NRXN3: variants seen among roughly 807,000 people sequenced by gnomAD.
NRXN3 encodes the protein neurexin 3, also known as neurexin III.
Under a neutral mutation model 137.6 loss-of-function variants are expected in NRXN3, and 32 were observed. The ratio of observed to expected loss-of-function variants is 0.23; its 90% confidence interval spans 0.18 to 0.31. The LOEUF (loss-of-function observed/expected upper bound fraction) is 0.31, where lower values mean the gene tolerates loss of function less well. NRXN3 is among the 10% of genes least tolerant of loss of function. NRXN3 has a pLI of 1.00. For missense variants in NRXN3, 1,574 were observed against 2,062.5 expected (o/e 0.76, Z 4.59); for synonymous variants, 798 against 784.5 (o/e 1.02, Z -0.29).
At chr14:79,363,504 G>A (rs772471564) in intron 15 of NRXN3, among the ~76,000 whole-genome samples, 2 of 151,666 alleles carry the variant, frequency 1.3e-5, no homozygotes, top group Non-Finnish European at 2.9e-5. Flanking sequence ...AGCCATGTAC[G>A]TAGGAACAGT....
intron 4 of NRXN3, among the ~76,000 whole-genome samples, chr14:78,540,627 A>G (rs2096581062): frequency 6.6e-6 from 1 of 152,122 alleles, no homozygotes; most frequent in East Asian, 1.9e-4. Context: ...ATTTAAGGGT[A>G]ATATTGTTAT....
At chr14:79,515,710 T>C (rs966106057) in intron 16 of NRXN3, among the ~76,000 whole-genome samples, 1 of 152,210 alleles carries the variant, frequency 6.6e-6, no homozygotes, top group Non-Finnish European at 1.5e-5. Context: ...ACCTCCATAA[T>C]TCTGTAGTGT....
Position 78,645,409 on chromosome 14 carries a change from C to G in NRXN3, c.1047C>G (p.Arg349=), listed in dbSNP as rs375875361. 4.5e-5 allele frequency: 72 copies of G among 1,584,808 alleles called. No individual in the cohort carries two copies. The highest frequency in any genetic ancestry group is 5.9e-5 in the Non-Finnish European group (69 of 1,170,640). Residue 349 remains arginine (R), a synonymous_variant, in exon 5 of 21, where the codon CGC becomes CGG. Coordinates refer to ENST00000335750, the MANE Select transcript of NRXN3 (RefSeq NM_001330195.2). ...CCTGGCATGATGTCAAAGTGACACG[C>G]AACCTCCGGCAGGTAATGGCTGAGG... ...DNAWHDVKVT[R]NLRQVTISVD...
At chr14:79,714,103 C>T (rs1035921833) in intron 19 of NRXN3, among the ~76,000 whole-genome samples, 1 of 152,144 alleles carries the variant, frequency 6.6e-6, no homozygotes, top group East Asian at 1.9e-4. Context: ...CCACATATTT[C>T]TTTCCCCTAA....
At chr14:79,130,308 G>A (rs944961332) in intron 15 of NRXN3, among the ~76,000 whole-genome samples, 69 of 151,918 alleles carry the variant, frequency 4.5e-4, no homozygotes, top group Admixed American at 8.5e-4. Flanking sequence ...ATTTTGCAGC[G>A]GCTGGTATCA....
At chr14:78,250,593 C>T (rs182093523) in intron 2 of NRXN3, among the ~76,000 whole-genome samples, 2 of 152,176 alleles carry the variant, frequency 1.3e-5, no homozygotes, top group East Asian at 1.9e-4. Flanking sequence ...AGGGCTCTGC[C>T]GGCAAACGTG....
At chr14:78,861,939 A>G (rs1346208848) in intron 10 of NRXN3, among the ~76,000 whole-genome samples, 1 of 152,136 alleles carries the variant, frequency 6.6e-6, no homozygotes. Context: ...TTTAGTTAGC[A>G]ATGTTTTTAT....
At chr14:79,767,669 C>T (rs968354270) in intron 19 of NRXN3, among the ~76,000 whole-genome samples, 1 of 151,998 alleles carries the variant, frequency 6.6e-6, no homozygotes, top group Non-Finnish European at 1.5e-5. Context: ...CATAACAGTC[C>T]CTATTAAATG....
At position 78,550,184 on chromosome 14, in the gene NRXN3, G is replaced by A. The variant is rs1600305938; in HGVS notation, c.758-94936G>A. ...TGAGTAGCTGGAACGACAGTCATGT[G>A]CCACCACGCCTGGCTAAATTTTGTA... On this transcript the variant is annotated intron_variant, in intron 4 of 20. Transcript: ENST00000335750. Among the ~76,000 whole-genome samples the A allele has an allele frequency of 2.6e-5, 4 of 152,106 alleles. No individual in the cohort carries two copies. In the South Asian group the frequency reaches 6.3e-4, roughly 24 times the overall value.
chr14:78,802,789 T>C (rs113630632), intron 8 of NRXN3, among the ~76,000 whole-genome samples: 5,963 of 151,932 alleles, frequency 0.039, 182 homozygotes, highest in East Asian at 0.077. Context: ...CTACAAAATA[T>C]CTAAAAATCA....
chr14:78,305,183 G>T (rs1348852597), intron 4 of NRXN3, among the ~76,000 whole-genome samples: 1 of 152,164 alleles, frequency 6.6e-6, no homozygotes, highest in Non-Finnish European at 1.5e-5. Context: ...GGGTAAAGTT[G>T]CTTTTGTAGA....
chr14:78,499,092 C>T (rs1292749206), intron 4 of NRXN3, among the ~76,000 whole-genome samples: 1 of 152,060 alleles, frequency 6.6e-6, no homozygotes, highest in Admixed American at 6.6e-5. Context: ...AAATTCTTGG[C>T]TCATAATAAG....
chr14:79,551,803 C>T (rs1351591356), intron 16 of NRXN3, among the ~76,000 whole-genome samples: 2 of 152,134 alleles, frequency 1.3e-5, no homozygotes, highest in Non-Finnish European at 2.9e-5. Context: ...GGGGAAGTTT[C>T]TAGTGTTTCT....
At chr14:78,552,462 T>C (rs1286794282) in intron 4 of NRXN3, among the ~76,000 whole-genome samples, 2 of 152,142 alleles carry the variant, frequency 1.3e-5, no homozygotes, top group Non-Finnish European at 2.9e-5. Context: ...CCTCTAACTG[T>C]GGTCATGAGA....
chr14:78,506,653 T>TG (rs2095999015), intron 4 of NRXN3, among the ~76,000 whole-genome samples: 1 of 47,038 alleles, frequency 2.1e-5, no homozygotes, highest in Non-Finnish European at 4.3e-5. Context: ...GTTTTTTTTT[T>TG]TTTTTTTTTT....
intron 15 of NRXN3, among the ~76,000 whole-genome samples, chr14:79,420,372 C>T (rs2597092): frequency 0.68 from 103,908 of 151,978 alleles, 36,177 homozygotes; most frequent in African/African-American, 0.81. Context: ...ATTTTTTAAA[C>T]TGATGTATGA....
chr14:79,658,839 C>T (rs761278700), intron 16 of NRXN3, among the ~76,000 whole-genome samples: 11 of 152,154 alleles, frequency 7.2e-5, no homozygotes, highest in Non-Finnish European at 1.3e-4. Flanking sequence ...GCCCATATCC[C>T]TGGCATACAT....
At chr14:78,888,165 A>C (rs1217871116) in intron 10 of NRXN3, among the ~76,000 whole-genome samples, 1 of 152,070 alleles carries the variant, frequency 6.6e-6, no homozygotes, top group African/African-American at 2.4e-5. Context: ...ATTCAGCTTC[A>C]TATTGGAGGC....
At chr14:78,467,491 G>A (rs1156458663) in intron 4 of NRXN3, among the ~76,000 whole-genome samples, 1 of 152,194 alleles carries the variant, frequency 6.6e-6, no homozygotes, top group Non-Finnish European at 1.5e-5. Context: ...AGTACTAACT[G>A]CTACAGCCCA....
Sources: allele counts gnomAD v4.1 joint callset (sites outside exome capture counted in the v4.1 genomes callset), GRCh38; gene constraint gnomAD v4.1.1; transcripts MANE v1.5; gene names NCBI Gene and HGNC (gene_info 2026-07-23, HGNC 2026-07-21).